Variants in FILIP1L observed in about 807,000 individuals in gnomAD.
FILIP1L encodes the protein filamin A-interacting protein 1-like.
A neutral mutation model predicts 96.6 loss-of-function variants in FILIP1L; 55 were observed. That is an observed-to-expected ratio of 0.57 (90% CI 0.46 to 0.71). The LOEUF (loss-of-function observed/expected upper bound fraction) is 0.71, where lower values mean the gene tolerates loss of function less well. FILIP1L is among the 30% of genes least tolerant of loss of function. FILIP1L has a pLI of 0.00. For synonymous variants in FILIP1L, 467 were observed against 473.9 expected, an observed-to-expected ratio of 0.99 and a Z score of 0.19; for missense variants, 1,304 against 1,321.2, an observed-to-expected ratio of 0.99 and a Z score of 0.20.
chr3:99,886,377 A>G (rs1705897263), intron 4 of FILIP1L, among the ~76,000 whole-genome samples: 1 of 152,098 alleles, frequency 6.6e-6, no homozygotes, highest in South Asian at 2.1e-4. Context: ...CTTGTACCAT[A>G]CATAAAATAC....
intron 4 of FILIP1L, among the ~76,000 whole-genome samples, chr3:99,917,232 A>T (rs898220424): frequency 4.6e-5 from 7 of 152,142 alleles, no homozygotes; most frequent in Non-Finnish European, 7.4e-5. Context: ...TTTTTGCCTG[A>T]TCTTCCACAG....
chr3:100,068,072 T>C (rs973360278), intron 1 of FILIP1L, among the ~76,000 whole-genome samples: 2 of 152,174 alleles, frequency 1.3e-5, no homozygotes, highest in Admixed American at 6.5e-5. Flanking sequence ...AATTTAGGAA[T>C]AACTACTTCC....
chr3:100,018,214 T>C (rs1175936786), intron 1 of FILIP1L, among the ~76,000 whole-genome samples: 2 of 152,090 alleles, frequency 1.3e-5, no homozygotes, highest in Non-Finnish European at 2.9e-5. Flanking sequence ...TAATCCCAGC[T>C]ACTCAGGAGG....
intron 1 of FILIP1L, among the ~76,000 whole-genome samples, chr3:100,031,409 G>A (rs1559732346): frequency 6.6e-6 from 1 of 152,080 alleles, no homozygotes. Flanking sequence ...GGGAAGTGGA[G>A]TGAGGAAGGA....
intron 1 of FILIP1L, among the ~76,000 whole-genome samples, chr3:99,978,119 A>G (rs989294017): frequency 1.3e-5 from 2 of 152,216 alleles, no homozygotes; most frequent in African/African-American, 4.8e-5. Flanking sequence ...TTATAAATAA[A>G]ATTTTAATAG....
chr3:99,833,353 A>C, intron 5 of FILIP1L: 2 of 1,101,942 alleles, frequency 1.8e-6, no homozygotes, highest in Non-Finnish European at 2.7e-6. Context: ...TCTCAAAAGA[A>C]ACCTAGCAAT....
At chr3:100,093,835 A>G (rs1027037100) in intron 1 of FILIP1L, among the ~76,000 whole-genome samples, 6 of 152,310 alleles carry the variant, frequency 3.9e-5, no homozygotes, top group African/African-American at 1.4e-4. Flanking sequence ...TTTTTCACTT[A>G]TCACATAGCA....
chr3:100,004,732 G>A (rs1709940274), intron 1 of FILIP1L, among the ~76,000 whole-genome samples: 1 of 152,182 alleles, frequency 6.6e-6, no homozygotes, highest in Non-Finnish European at 1.5e-5. Flanking sequence ...TACCTAAAAG[G>A]TAGGATTGGT....
intron 4 of FILIP1L, among the ~76,000 whole-genome samples, chr3:99,919,916 A>T (rs1177520865): frequency 6.6e-6 from 1 of 152,224 alleles, no homozygotes; most frequent in African/African-American, 2.4e-5. Context: ...AGGCCTCTGC[A>T]CCACTGTTCT....
At chr3:100,094,972 G>A (rs1373504776) in intron 1 of FILIP1L, among the ~76,000 whole-genome samples, 3 of 152,234 alleles carry the variant, frequency 2.0e-5, no homozygotes, top group African/African-American at 7.2e-5. Flanking sequence ...ACAGGAGTGA[G>A]CCACTGCGCC....
intron 1 of FILIP1L, among the ~76,000 whole-genome samples, chr3:100,001,044 C>T (rs1363618835): frequency 6.6e-6 from 1 of 151,864 alleles, no homozygotes; most frequent in Non-Finnish European, 1.5e-5. Flanking sequence ...CTATATTTCA[C>T]ACACACACAC....
chr3:99,849,911 TC>T lies in FILIP1L; in HGVS notation c.1764del (p.Asn590IlefsTer14), dbSNP rs1943577600. ...GNDLLSRVNM[L>X]KNRLQSLEAI... is the part of the protein sequence containing the mutation. ...GCTTCCAATGATTGAAGCCTATTTT[TC>T]AACATATTAACTCTTGACAGGAGAT... On this transcript the variant is annotated frameshift_variant, in exon 5 of 6. Coordinates refer to ENST00000477258, the MANE Select transcript of FILIP1L (RefSeq NM_001387850.1). LOFTEE classifies it high-confidence loss of function. The T allele has an allele frequency of 6.2e-7, 1 of 1,611,976 alleles. No homozygotes were observed. The highest frequency in any genetic ancestry group is 1.7e-5 in the Admixed American group (1 of 59,688).
chr3:100,094,830 C>G (rs2107443326), intron 1 of FILIP1L, among the ~76,000 whole-genome samples: 1 of 152,006 alleles, frequency 6.6e-6, no homozygotes, highest in South Asian at 2.1e-4. Context: ...ACTACAGGCA[C>G]CTGCCACCAC....
At chr3:99,973,601 A>G (rs1708885393) in intron 1 of FILIP1L, among the ~76,000 whole-genome samples, 1 of 152,218 alleles carries the variant, frequency 6.6e-6, no homozygotes, top group Non-Finnish European at 1.5e-5. Flanking sequence ...CAGATCTTAT[A>G]GAATTTATAC....
chr3:99,998,602 AC>A (rs1320778455), intron 1 of FILIP1L, among the ~76,000 whole-genome samples: 1 of 152,102 alleles, frequency 6.6e-6, no homozygotes, highest in African/African-American at 2.4e-5. Flanking sequence ...TCTTTCCAGC[AC>A]CCATGCTGGA....
chr3:100,008,841 C>T (rs930094158), intron 1 of FILIP1L, among the ~76,000 whole-genome samples: 8 of 152,138 alleles, frequency 5.3e-5, no homozygotes, highest in African/African-American at 1.9e-4. Flanking sequence ...GGTCATCTGA[C>T]TAGATGCAGC....
At chr3:100,010,310 G>C (rs1337641229) in intron 1 of FILIP1L, 2 of 170,740 alleles carry the variant, frequency 1.2e-5, no homozygotes, top group African/African-American at 4.8e-5. Context: ...AAAATGAGTT[G>C]GGGAGCGGGG....
At chr3:99,894,108 T>A (rs1706173768) in intron 4 of FILIP1L, among the ~76,000 whole-genome samples, 1 of 152,360 alleles carries the variant, frequency 6.6e-6, no homozygotes, top group East Asian at 1.9e-4. Context: ...TTTTGTGATA[T>A]TGCAGAAAGT....
chr3:100,085,136 G>T (rs1281847157), intron 1 of FILIP1L, among the ~76,000 whole-genome samples: 1 of 152,204 alleles, frequency 6.6e-6, no homozygotes, highest in East Asian at 1.9e-4. Context: ...AAGAGAAACA[G>T]TCCTGATCAG....
Sources: gnomAD v4.1 joint callset for allele counts (sites outside exome capture counted in the v4.1 genomes callset) on GRCh38, gnomAD v4.1.1 for gene constraint, MANE v1.5 for transcripts, NCBI Gene and HGNC (gene_info 2026-07-23, HGNC 2026-07-21) for gene names.